GALNT14: variants seen among roughly 807,000 people sequenced by gnomAD.
GALNT14 encodes the protein UDP-GalNAc:polypeptide N-acetylgalactosaminyltransferase 14.
In GALNT14, 60 loss-of-function variants were observed where a neutral mutation model predicts 77.5. The observed-to-expected ratio is 0.77, with a 90% confidence interval of 0.63 to 0.96. The LOEUF (loss-of-function observed/expected upper bound fraction) is 0.96, where lower values mean the gene tolerates loss of function less well. Among genes scored for constraint, GALNT14 ranks in the 40% least tolerant of loss-of-function variants. GALNT14 has a pLI of 0.00. For missense variants in GALNT14, 710 were observed against 731.0 expected (o/e 0.97, Z 0.33); for synonymous variants, 280 against 281.7 (o/e 0.99, Z 0.06).
intron 1 of GALNT14, among the ~76,000 whole-genome samples, chr2:31,060,997 C>G (rs1674555225): frequency 6.6e-6 from 1 of 152,184 alleles, no homozygotes; most frequent in East Asian, 1.9e-4. Flanking sequence ...CTTCTGCATT[C>G]CTGATCTTCC....
chr2:30,994,956 G>A (rs1299825759), intron 1 of GALNT14, among the ~76,000 whole-genome samples: 1 of 152,156 alleles, frequency 6.6e-6, no homozygotes, highest in African/African-American at 2.4e-5. Context: ...GCAGAGGAGT[G>A]AGGGGAACTG....
chr2:31,006,050 C>T (rs947790254), intron 1 of GALNT14, among the ~76,000 whole-genome samples: 1 of 152,146 alleles, frequency 6.6e-6, no homozygotes, highest in Non-Finnish European at 1.5e-5. Context: ...GAGCTTCCTG[C>T]TTGACTTCTG....
At chr2:30,895,426 C>T in the GALNT14 span, among the ~76,000 whole-genome samples, 3 of 152,206 alleles carry the variant, frequency 2.0e-5, no homozygotes, top group Non-Finnish European at 4.4e-5. Context: ...GGGATGCCTG[C>T]CTCCCACAGC....
At chr2:30,926,620 A>T (rs1665398733) in intron 11 of GALNT14, among the ~76,000 whole-genome samples, 1 of 152,164 alleles carries the variant, frequency 6.6e-6, no homozygotes, top group Admixed American at 6.5e-5. Context: ...CTCCGGCAAG[A>T]CCATCATGCA....
rs184658828 is a variant in GALNT14, at chr2:31,067,881, C to A, written c.129+70077G>T. ...AGTCAGGTAGTCTGGGCATGCACAC[C>A]GTTACTCCTCCTGTGACCTACAGTC... On this transcript the variant is annotated intron_variant, in intron 1 of 14. Coordinates refer to ENST00000349752, the MANE Select transcript of GALNT14 (RefSeq NM_024572.4). Among the ~76,000 whole-genome samples, 330 of 152,270 alleles carry A rather than the reference C, an allele frequency of 2.2e-3. 2 individuals are homozygous for A. The highest frequency in any genetic ancestry group is 7.7e-3 in the African/African-American group (321 of 41,560).
At chr2:31,106,755 C>T (rs1018034421) in intron 1 of GALNT14, among the ~76,000 whole-genome samples, 1 of 152,044 alleles carries the variant, frequency 6.6e-6, no homozygotes. Context: ...ATTTTCGTGG[C>T]TCTTGCTGAC....
At chr2:31,013,460 T>A (rs1671161830) in intron 1 of GALNT14, among the ~76,000 whole-genome samples, 1 of 152,182 alleles carries the variant, frequency 6.6e-6, no homozygotes, top group Non-Finnish European at 1.5e-5. Context: ...GAAGGGGAAA[T>A]GTTCAGCTGA....
At chr2:31,036,951 C>G (rs939632926) in intron 1 of GALNT14, among the ~76,000 whole-genome samples, 8 of 152,138 alleles carry the variant, frequency 5.3e-5, no homozygotes, top group Admixed American at 2.6e-4. Context: ...TTTACTATGA[C>G]GTGTCTAGGT....
chr2:31,134,599 T>TGAGGGGA (rs1679143866), intron 1 of GALNT14, among the ~76,000 whole-genome samples: 1 of 152,174 alleles, frequency 6.6e-6, no homozygotes, highest in Non-Finnish European at 1.5e-5. Flanking sequence ...CTCCATCCAG[T>TGAGGGGA]GAGGGGAGCC....
intron 10 of GALNT14, among the ~76,000 whole-genome samples, chr2:30,930,847 G>A (rs555650802): frequency 2.2e-4 from 34 of 152,372 alleles, no homozygotes; most frequent in Admixed American, 1.1e-3. Flanking sequence ...AAGCTGTTTA[G>A]CAGACATCTG....
intron 1 of GALNT14, among the ~76,000 whole-genome samples, chr2:31,034,069 T>C (rs138032332): frequency 1.1e-3 from 173 of 152,318 alleles, no homozygotes; most frequent in Middle Eastern, 6.8e-3. Flanking sequence ...TCAGAGAAAT[T>C]GCCTAAGAAC....
chr2:31,107,466 T>A (rs1401133354), intron 1 of GALNT14, among the ~76,000 whole-genome samples: 2 of 152,194 alleles, frequency 1.3e-5, no homozygotes, highest in Non-Finnish European at 2.9e-5. Context: ...ATTGTATCTA[T>A]CCTCTAATTC....
the GALNT14 span, among the ~76,000 whole-genome samples, chr2:30,904,575 C>G: frequency 6.6e-6 from 1 of 152,238 alleles, no homozygotes; most frequent in Non-Finnish European, 1.5e-5. Flanking sequence ...CACGGAGTCT[C>G]GCTGACTGCT....
chr2:30,906,231 T>G (rs1280541959), downstream of GALNT14, among the ~76,000 whole-genome samples: 1 of 150,980 alleles, frequency 6.6e-6, no homozygotes, highest in Non-Finnish European at 1.5e-5. Context: ...TAAATGTAAA[T>G]GGACTAAATG....
chr2:30,920,576 G>A (rs1028348348), intron 13 of GALNT14, among the ~76,000 whole-genome samples: 23 of 151,588 alleles, frequency 1.5e-4, no homozygotes, highest in African/African-American at 5.1e-4. Flanking sequence ...AAGGAGGAGC[G>A]GACACTGAAA....
intron 11 of GALNT14, 42 bp downstream of exon 11, chr2:30,929,353 C>T (rs1665585090): frequency 6.6e-7 from 1 of 1,518,308 alleles, no homozygotes; most frequent in South Asian, 1.1e-5. Flanking sequence ...GAGCTGGGCT[C>T]TTTTGCAGTC....
intron 1 of GALNT14, among the ~76,000 whole-genome samples, chr2:31,005,080 A>AC (rs923477091): frequency 2.6e-5 from 4 of 152,192 alleles, no homozygotes; most frequent in South Asian, 2.1e-4. Flanking sequence ...CCAAATTGTG[A>AC]CCCCTAGGAC....
chr2:30,978,022 T>C (rs4952011), intron 2 of GALNT14, among the ~76,000 whole-genome samples: 46,832 of 152,026 alleles, frequency 0.31, 9,457 homozygotes, highest in East Asian at 0.56. Flanking sequence ...TAGGACCCTC[T>C]CCCGACCTTC....
the GALNT14 span, among the ~76,000 whole-genome samples, chr2:30,889,682 T>A: frequency 6.6e-6 from 1 of 152,184 alleles, no homozygotes; most frequent in African/African-American, 2.4e-5. Flanking sequence ...TTTCTGGGAT[T>A]CCTGTACAAA....
Sources: allele counts gnomAD v4.1 joint callset (sites outside exome capture counted in the v4.1 genomes callset), GRCh38; gene constraint gnomAD v4.1.1; transcripts MANE v1.5; gene names NCBI Gene and HGNC (gene_info 2026-07-23, HGNC 2026-07-21).